The following MAX variants were observed in gnomAD, a reference collection of about 807,000 sequenced individuals.
The protein encoded by MAX is MYC associated transcriptional regulator X, also known as protein max.
A neutral mutation model predicts 22.3 loss-of-function variants in MAX; 3 were observed. The observed-to-expected ratio is 0.13, with a 90% CI of 0.06 to 0.35. The LOEUF is 0.35. MAX is among the 10% of genes least tolerant of loss of function. The probability of loss-of-function intolerance (pLI) is 1.00; values close to 1 mark genes in which losing one functional copy is unlikely to be tolerated. For missense variants in MAX, 119 were observed against 209.4 expected (o/e 0.57, Z 2.66); for synonymous variants, 72 against 77.7 (o/e 0.93, Z 0.39).
intron 3 of MAX, among the ~76,000 whole-genome samples, chr14:65,024,051 G>A (rs1196330207): frequency 2.0e-5 from 3 of 151,162 alleles, no homozygotes; most frequent in Non-Finnish European, 2.9e-5. Context: ...GCAGTGAGCT[G>A]AGATCGCTCA....
chr14:65,015,108 CT>C (rs113319981), intron 3 of MAX, among the ~76,000 whole-genome samples: 22,916 of 144,008 alleles, frequency 0.16, 2,802 homozygotes, highest in African/African-American at 0.34. Flanking sequence ...TCTTTTCTTT[CT>C]TTTTTTTTTT....
In MAX at chr14:65,101,581, A is replaced by T. The variant is rs2139964888; in HGVS notation, c.37-9T>A. The T allele has an allele frequency of 6.3e-7, 1 of 1,590,696 alleles. No homozygotes were observed. The highest frequency in any genetic ancestry group is 8.6e-7 in the Non-Finnish European group (1 of 1,161,714). On this transcript the variant is annotated splice_polypyrimidine_tract_variant and intron_variant, in intron 1 of 4. Coordinates refer to ENST00000358664, the MANE Select transcript of MAX (RefSeq NM_002382.5). ...AACCTCGGTTGCTCTTCCTGGAATA[A>T]GAGAGAAAAAAAAAAATAGAAAATA...
Position 65,061,372 on chromosome 14 carries a change from C to T in MAX, c.171+32336G>A, listed in dbSNP as rs181587610. The T allele has an allele frequency of 1.2e-5, 19 of 1,606,490 alleles. No homozygotes were observed. The East Asian group carries it at 1.3e-4, about 11-fold the overall frequency. Reference sequence around the variant, plus strand: ...TCTCCCCAGTCAGACAAGGTTTATACGTTTCAATACATACTGCATTCTGTG... The same window carrying T: ...TCTCCCCAGTCAGACAAGGTTTATATGTTTCAATACATACTGCATTCTGTG... On this transcript the variant is annotated intron_variant, in intron 3 of 3. Coordinates refer to the MAX transcript ENST00000341653.
rs1160418210 is a variant in MAX, at chr14:65,028,952, T to C, written c.172-22668A>G. On this transcript the variant is annotated intron_variant, in intron 3 of 3. Transcript: ENST00000341653. This position sits in a 1 kb window ranked among gnomAD's most constrained non-coding sequence, Gnocchi z 4.4. ...GCAAACAAATCATAGCAAGATCCTTTTGGTATTTTATCATATACCTTTTGC... is the reference window on the plus strand; with the variant it reads ...GCAAACAAATCATAGCAAGATCCTTCTGGTATTTTATCATATACCTTTTGC... 6.6e-6 allele frequency among the ~76,000 whole-genome samples: 1 copy of C among 152,242 alleles called. No individual in the cohort carries two copies.
chr14:65,056,626 T>C (rs1169751472), intron 3 of MAX, among the ~76,000 whole-genome samples: 2 of 152,222 alleles, frequency 1.3e-5, no homozygotes, highest in African/African-American at 4.8e-5. Context: ...TGTTGTCTTC[T>C]GCGAATTGTC....
intron 3 of MAX, among the ~76,000 whole-genome samples, chr14:65,043,439 T>G (rs2062396045): frequency 6.6e-6 from 1 of 152,218 alleles, no homozygotes; most frequent in South Asian, 2.1e-4. Context: ...GCTTCTGCTT[T>G]CAGGCCTGCT....
intron 3 of MAX, among the ~76,000 whole-genome samples, chr14:65,083,083 T>G (rs971031649): frequency 3.3e-5 from 5 of 151,940 alleles, no homozygotes; most frequent in Non-Finnish European, 5.9e-5. Flanking sequence ...TGGCAGAGGG[T>G]CTGCCAGGTT....
chr14:65,052,525 T>C (rs2062639469), intron 3 of MAX, among the ~76,000 whole-genome samples: 1 of 152,246 alleles, frequency 6.6e-6, no homozygotes, highest in Admixed American at 6.5e-5. Flanking sequence ...CCGTGATTTG[T>C]CCCTCCTTCC....
At position 65,079,258 on chromosome 14, in the gene MAX, AAG is replaced by A. The variant is rs1361099429; in HGVS notation, c.172-1224_172-1223del. ...GTCACTACTTCAGCCTTCCTGGCTA[AAG>A]AGACTTTCATAAAAAGCTGTCGGTG... On this transcript the variant is annotated intron_variant, in intron 3 of 4. Transcript: ENST00000358664. This position sits in a 1 kb window ranked among gnomAD's most constrained non-coding sequence, Gnocchi z 4.5. 6.6e-6 allele frequency among the ~76,000 whole-genome samples: 1 copy of A among 152,216 alleles called. No individual in the cohort carries two copies. The highest frequency in any genetic ancestry group is 2.4e-5 in the African/African-American group (1 of 41,458).
Position 65,054,517 on chromosome 14 carries a change from C to T in MAX, c.171+39191G>A. ...AGTGGTCTCTGAATTGGTGTGGCTA[C>T]ATTTGTAGATGTGTGCGGAGCAGAG... On this transcript the variant is annotated intron_variant, in intron 3 of 3. Coordinates refer to the MAX transcript ENST00000341653. This position sits in a 1 kb window ranked among gnomAD's most constrained non-coding sequence, Gnocchi z 4.4. 6.5e-7 allele frequency: 1 copy of T among 1,535,422 alleles called. No homozygotes were observed. Among genetic ancestry groups the T allele is most frequent in the Admixed American group, 1.9e-5 (1 of 53,798 alleles).
intron 3 of MAX, among the ~76,000 whole-genome samples, chr14:65,042,551 ATTAAGCT>A (rs1451057922): frequency 6.6e-6 from 1 of 152,200 alleles, no homozygotes; most frequent in Non-Finnish European, 1.5e-5. Flanking sequence ...GTAAATACAG[ATTAAGCT>A]TCACTGGCTC....
intron 3 of MAX, among the ~76,000 whole-genome samples, chr14:65,050,939 G>A (rs1335870003): frequency 2.6e-5 from 4 of 152,190 alleles, no homozygotes; most frequent in Admixed American, 2.6e-4. Context: ...AACAACCTTG[G>A]AAATAAGTAA....
chr14:65,040,581 CACATGGG>C (rs889169606), intron 3 of MAX, among the ~76,000 whole-genome samples: 9 of 149,854 alleles, frequency 6.0e-5, no homozygotes, highest in African/African-American at 2.0e-4. Flanking sequence ...GCTGGGATTA[CACATGGG>C]TGCCACCAGG....
At chr14:65,072,388 T>C (rs372105212), downstream of MAX, among the ~76,000 whole-genome samples, 27 of 152,276 alleles carry the variant, frequency 1.8e-4, 2 homozygotes, top group Admixed American at 1.2e-3. Flanking sequence ...TGGGAGCACG[T>C]AGACTCATCA....
At chr14:65,018,368 T>C (rs746229377) in intron 3 of MAX, among the ~76,000 whole-genome samples, 3 of 152,196 alleles carry the variant, frequency 2.0e-5, no homozygotes, top group Non-Finnish European at 4.4e-5. Flanking sequence ...TGTTAAAATA[T>C]ATGTATTTAT....
chr14:65,040,604 C>CTTTTTTT (rs35890649), intron 3 of MAX, among the ~76,000 whole-genome samples: 1 of 117,322 alleles, frequency 8.5e-6, no homozygotes, highest in South Asian at 2.7e-4. Context: ...CCAGGCCCAG[C>CTTTTTTT]TTTTTTTTTT....
chr14:65,056,596 A>C (rs960781836), intron 3 of MAX, among the ~76,000 whole-genome samples: 22 of 152,174 alleles, frequency 1.4e-4, no homozygotes, highest in African/African-American at 4.8e-4. Context: ...GAATATTTTC[A>C]AATGTTTGTT....
intron 3 of MAX, among the ~76,000 whole-genome samples, chr14:65,060,890 AAAAAAC>A (rs2062851505): frequency 6.8e-6 from 1 of 147,992 alleles, no homozygotes; most frequent in Non-Finnish European, 1.5e-5. Flanking sequence ...AAAAAAAAAA[AAAAAAC>A]AGTTTGAGAT....
chr14:65,027,677 A>C lies in MAX; in HGVS notation c.172-21393T>G. 6.2e-7 allele frequency: 1 copy of C among 1,614,082 alleles called. No homozygotes were observed. Among genetic ancestry groups the C allele is most frequent in the Non-Finnish European group, 8.5e-7 (1 of 1,179,996 alleles). ...ACACGCACTGACTGTTGCCTCTCCT[A>C]CCTCTTTCCCTGTTTCTCAGAGAGA... On this transcript the variant is annotated intron_variant, in intron 3 of 3. Transcript: ENST00000341653. The surrounding 1 kb of genome is among the most constrained non-coding windows in gnomAD (Gnocchi z 5.7).
Sources: allele counts gnomAD v4.1 joint callset (sites outside exome capture counted in the v4.1 genomes callset), GRCh38; gene constraint gnomAD v4.1.1; non-coding constraint Gnocchi (gnomAD v3.1); transcripts MANE v1.5; gene names NCBI Gene and HGNC (gene_info 2026-07-23, HGNC 2026-07-21).